The following L3MBTL4 variants were observed in gnomAD, a reference collection of about 807,000 sequenced individuals.
The protein encoded by L3MBTL4 is lethal(3)malignant brain tumor-like protein 4.
In L3MBTL4, 70 loss-of-function variants were observed where a neutral mutation model predicts 84.5. The observed-to-expected ratio is 0.83, with a 90% CI of 0.68 to 1.01. The LOEUF (loss-of-function observed/expected upper bound fraction) is 1.01, where lower values mean the gene tolerates loss of function less well. L3MBTL4 is among the 50% of genes least tolerant of loss of function. The pLI, the probability that L3MBTL4 is intolerant of heterozygous loss-of-function variation, is 0.00. For synonymous variants in L3MBTL4, 274 were observed against 259.8 expected, an observed-to-expected ratio of 1.05 and a Z score of -0.52; for missense variants, 715 against 754.8, an observed-to-expected ratio of 0.95 and a Z score of 0.62.
chr18:6,118,230 AG>A (rs2059419606), intron 14 of L3MBTL4, among the ~76,000 whole-genome samples: 1 of 76,944 alleles, frequency 1.3e-5, no homozygotes, highest in East Asian at 7.6e-4. Context: ...CACACACACG[AG>A]CACTTGCTCT....
At chr18:6,163,311 G>A (rs1478038634) in intron 13 of L3MBTL4, among the ~76,000 whole-genome samples, 1 of 132,466 alleles carries the variant, frequency 7.5e-6, no homozygotes, top group Non-Finnish European at 1.6e-5. Context: ...GTGTGTGGGT[G>A]GGTGTGTATT....
At chr18:6,206,047 C>T (rs1020937784) in intron 12 of L3MBTL4, among the ~76,000 whole-genome samples, 4 of 152,190 alleles carry the variant, frequency 2.6e-5, no homozygotes, top group African/African-American at 9.7e-5. Context: ...GAGGAGGCTT[C>T]ATTATCACAG....
At chr18:6,182,249 A>G (rs1444676010) in intron 12 of L3MBTL4, among the ~76,000 whole-genome samples, 1 of 152,150 alleles carries the variant, frequency 6.6e-6, no homozygotes, top group African/African-American at 2.4e-5. Context: ...TCTAATAATT[A>G]GTGATGTTGA....
At chr18:5,968,256 GT>G (rs2052450853) in intron 17 of L3MBTL4, among the ~76,000 whole-genome samples, 1 of 152,230 alleles carries the variant, frequency 6.6e-6, no homozygotes, top group South Asian at 2.1e-4. Context: ...TTAAACAACA[GT>G]TTCTCTAAGG....
chr18:5,983,745 G>A (rs1450418215), intron 16 of L3MBTL4, among the ~76,000 whole-genome samples: 2 of 152,118 alleles, frequency 1.3e-5, no homozygotes, highest in Non-Finnish European at 2.9e-5. Context: ...TCTGAGGCTA[G>A]GTGACCCCTC....
chr18:6,016,926 G>A (rs2055011776), intron 16 of L3MBTL4, among the ~76,000 whole-genome samples: 1 of 152,060 alleles, frequency 6.6e-6, no homozygotes, highest in South Asian at 2.1e-4. Context: ...TGGAGAAGCA[G>A]CCAGGCCAGG....
At chr18:6,305,948 G>T (rs993827741) in intron 3 of L3MBTL4, among the ~76,000 whole-genome samples, 6 of 152,184 alleles carry the variant, frequency 3.9e-5, no homozygotes, top group African/African-American at 1.4e-4. Flanking sequence ...CCTTGGAACT[G>T]CCAGATAATA....
At chr18:6,112,964 A>T (rs974472178) in intron 14 of L3MBTL4, among the ~76,000 whole-genome samples, 2 of 152,268 alleles carry the variant, frequency 1.3e-5, no homozygotes, top group Admixed American at 6.5e-5. Context: ...AATTGCCTCT[A>T]TAGTGTCCGG....
intron 16 of L3MBTL4, among the ~76,000 whole-genome samples, chr18:5,984,110 C>T (rs139540471): frequency 8.1e-4 from 123 of 152,236 alleles, no homozygotes; most frequent in African/African-American, 2.9e-3. Flanking sequence ...TGGGTTTTCA[C>T]CATGTTGGCC....
At chr18:6,325,695 C>G (rs958525004) in intron 1 of L3MBTL4, among the ~76,000 whole-genome samples, 2 of 152,132 alleles carry the variant, frequency 1.3e-5, no homozygotes, top group Non-Finnish European at 2.9e-5. Context: ...CATTCTTAAG[C>G]TGGATGGTGG....
At chr18:6,242,044 C>T (rs1439091697) in intron 7 of L3MBTL4, among the ~76,000 whole-genome samples, 2 of 152,178 alleles carry the variant, frequency 1.3e-5, no homozygotes, top group Non-Finnish European at 2.9e-5. Context: ...CATGCCCTGG[C>T]GTGGCTCTCA....
At chr18:6,393,994 G>T (rs193171) in intron 1 of L3MBTL4, among the ~76,000 whole-genome samples, 111,164 of 151,874 alleles carry the variant, frequency 0.73, 41,475 homozygotes, top group African/African-American at 0.89. Context: ...GCCCACACCC[G>T]CTGGCCTCAG....
chr18:6,282,002 G>T (rs1218414642), intron 4 of L3MBTL4, among the ~76,000 whole-genome samples: 1 of 152,142 alleles, frequency 6.6e-6, no homozygotes. Context: ...CTCTCCACAA[G>T]AGACGCTATC....
intron 1 of L3MBTL4, among the ~76,000 whole-genome samples, chr18:6,345,302 C>A (rs551746505): frequency 2.0e-4 from 30 of 150,086 alleles, no homozygotes; most frequent in African/African-American, 6.9e-4. Context: ...GAAGCTGAGG[C>A]AGGAGAATTG....
At chr18:6,127,803 G>A (rs551133491) in intron 14 of L3MBTL4, among the ~76,000 whole-genome samples, 17 of 152,244 alleles carry the variant, frequency 1.1e-4, no homozygotes, top group African/African-American at 3.9e-4. Context: ...CCTGATGGTG[G>A]TGGAGGGGAG....
At chr18:6,010,373 T>A (rs2145378513) in intron 16 of L3MBTL4, among the ~76,000 whole-genome samples, 1 of 152,270 alleles carries the variant, frequency 6.6e-6, no homozygotes. Context: ...CTTCAAAATG[T>A]CCTCCAAATT....
chr18:6,409,681 C>T (rs1057094982), intron 1 of L3MBTL4, among the ~76,000 whole-genome samples: 2 of 152,112 alleles, frequency 1.3e-5, no homozygotes, highest in African/African-American at 4.8e-5. Flanking sequence ...CCACCATCAC[C>T]GAAAAGGGGA....
At chr18:5,984,733 G>C (rs898670257) in intron 16 of L3MBTL4, among the ~76,000 whole-genome samples, 3 of 152,126 alleles carry the variant, frequency 2.0e-5, no homozygotes, top group African/African-American at 7.2e-5. Context: ...TAATTGATAC[G>C]CTAGAGTAAT....
rs759403342 is a variant in L3MBTL4 at position 6,263,974 on chromosome 18, G to A, written c.192C>T (p.Val64=). The change falls in exon 5 of 19, where the codon GTC becomes GTT. Residue 64 remains valine, a synonymous_variant. Transcript: ENST00000317931. ...WEWYLKEQKA[V]AAPVELFSKD... is the part of the protein sequence containing the mutation. ...TGGAAAACAGCTCAACAGGTGCTGC[G>A]ACAGCCTTCTGTTCTTTCAAGTACC... is the stretch of plus-strand genomic sequence containing the variant. The A allele has an allele frequency of 8.7e-6, 14 of 1,613,792 alleles. No individual in the cohort carries two copies. Among genetic ancestry groups the A allele is most frequent in the African/African-American group, 4.0e-5 (3 of 74,908 alleles).
Sources: gnomAD v4.1 joint callset for allele counts (sites outside exome capture counted in the v4.1 genomes callset) on GRCh38, gnomAD v4.1.1 for gene constraint, MANE v1.5 for transcripts, NCBI Gene and HGNC (gene_info 2026-07-23, HGNC 2026-07-21) for gene names.